Variants in CHCHD10 observed in about 807,000 individuals in gnomAD.
CHCHD10 encodes coiled-coil-helix-coiled-coil-helix domain containing 10.
In CHCHD10, 10 loss-of-function variants were observed where a neutral mutation model predicts 14.8. The ratio of observed to expected loss-of-function variants is 0.67; its 90% confidence interval spans 0.42 to 1.14. The LOEUF (loss-of-function observed/expected upper bound fraction) is 1.14. Among genes scored for constraint, CHCHD10 ranks in the 50% most tolerant of loss-of-function variants. The probability of loss-of-function intolerance (pLI) is 0.00; values close to 1 mark genes in which losing one functional copy is unlikely to be tolerated. For synonymous variants in CHCHD10, 90 were observed against 85.2 expected (o/e 1.06, Z -0.31); for missense variants, 203 against 196.9 (o/e 1.03, Z -0.19).
Position 23,765,999 on chromosome 22 carries a change from C to T in CHCHD10, c.*8G>A, listed in dbSNP as rs372342375. ...GCAGGACTGGCCCCCGAGTCTGCAC[C>T]GACCTCTTCAGGGCAGGGAGCTCAG... On this transcript the variant is annotated 3_prime_UTR_variant, in exon 4 of 4. Transcript: ENST00000484558. The T allele has an allele frequency of 3.4e-4, 542 of 1,613,386 alleles. No homozygotes were observed. Among genetic ancestry groups the T allele is most frequent in the Non-Finnish European group, 4.4e-4 (517 of 1,179,828 alleles).
At position 23,767,406 on chromosome 22, in the gene CHCHD10, T is replaced by TC; in HGVS notation, c.228dup (p.Ser77GlufsTer42). 1.2e-6 allele frequency: 2 copies of TC among 1,607,220 alleles called. No homozygotes were observed. The highest frequency in any genetic ancestry group is 8.5e-7 in the Non-Finnish European group (1 of 1,178,550). On this transcript the variant is annotated frameshift_variant, in exon 2 of 4. Transcript: ENST00000484558. LOFTEE classifies it high-confidence loss of function. ...ACAGCAGGCTGGGAGGGCTCCGAGC[T>TC]CCCCCCGCTGAAGGCTCCGGTCAGG...
At chr22:23,767,763 T>G in intron 1 of CHCHD10, 71 bp downstream of exon 1, 1 of 1,323,098 alleles carries the variant, frequency 7.6e-7, no homozygotes, top group Admixed American at 2.2e-5. Context: ...AAGGTCACTC[T>G]GCGGACGCCC....
Position 23,767,894 on chromosome 22 carries a change from G to A in CHCHD10, c.-20C>T, listed in dbSNP as rs747487467. On this transcript the variant is annotated 5_prime_UTR_variant, in exon 1 of 4. Transcript: ENST00000484558. ...AGGCATGGTGGCGGCGGTGGGACCCGGGCGACCTTAGAGACGGCGGCAGCG... is the reference window on the plus strand; with the variant it reads ...AGGCATGGTGGCGGCGGTGGGACCCAGGCGACCTTAGAGACGGCGGCAGCG... 33 of 1,503,570 alleles carry A rather than the reference G, an allele frequency of 2.2e-5. No homozygotes were observed. In the South Asian group the frequency reaches 3.5e-4, roughly 16 times the overall value. 93.1% of individuals were successfully genotyped at this position (1,503,570 alleles called of 1,614,324 possible).
intron 2 of CHCHD10, among the ~76,000 whole-genome samples, chr22:23,766,744 G>A (rs1383516766): frequency 2.0e-5 from 3 of 152,220 alleles, no homozygotes; most frequent in Admixed American, 6.5e-5. Flanking sequence ...GAGCCACTGC[G>A]CCTGGCCTCT....
At position 23,766,143 on chromosome 22, in the gene CHCHD10, A is replaced by G. The variant is rs773491269; in HGVS notation, c.394T>C (p.Cys132Arg). 1 of 1,613,496 alleles carries G rather than the reference A, an allele frequency of 6.2e-7. No homozygotes were observed. Among genetic ancestry groups the G allele is most frequent in the South Asian group, 1.1e-5 (1 of 91,012 alleles). Residue 132 changes from cysteine to arginine, a missense_variant, in exon 3 of 4, where the codon TGC becomes CGC. Transcript: ENST00000484558. ...ACTCACTCACCATGGTAGTACTTGC[A>G]CTGCTTCAGGGCCTCGCTGAAGCCC... is the stretch of plus-strand genomic sequence containing the variant. ...CEGFSEALKQ[C>R]KYYHGLSSLP
At chr22:23,766,569 T>G (rs131441) in intron 2 of CHCHD10, 3 of 336,386 alleles carry the variant, frequency 8.9e-6, no homozygotes, top group Non-Finnish European at 1.1e-5. Context: ...TGTCCTGCCT[T>G]GGCCTCCCAA....
Position 23,766,180 on chromosome 22 carries a change from C to G in CHCHD10, c.357G>C (p.Leu119=). Residue 119 remains leucine, a synonymous_variant, in exon 3 of 4, where the codon CTG becomes CTC. Transcript: ENST00000484558. Reference sequence around the variant, plus strand: ...CCTCGCTGAAGCCCTCACACAGGGACAGGTCACTCTGAGTGGTGGAACAGT... The same window carrying G: ...CCTCGCTGAAGCCCTCACACAGGGAGAGGTCACTCTGAGTGGTGGAACAGT... ...FLDCSTTQSD[L]SLCEGFSEAL... 2 of 1,612,618 alleles carry G rather than the reference C, an allele frequency of 1.2e-6. No individual in the cohort carries two copies. Among genetic ancestry groups the G allele is most frequent in the Non-Finnish European group, 1.7e-6 (2 of 1,179,524 alleles).
At chr22:23,767,806 C>T in intron 1 of CHCHD10, 28 bp downstream of exon 1, 7 of 1,540,586 alleles carry the variant, frequency 4.5e-6, no homozygotes, top group Non-Finnish European at 6.1e-6. Flanking sequence ...CTAACCCCCT[C>T]CCCACAGGGC....
At position 23,767,862 on chromosome 22, in the gene CHCHD10, T is replaced by C; in HGVS notation, c.13A>G (p.Ser5Gly). The C allele has an allele frequency of 6.6e-7, 1 of 1,516,176 alleles. No homozygotes were observed. The highest frequency in any genetic ancestry group is 2.1e-5 in the Admixed American group (1 of 46,836). 93.9% of individuals were successfully genotyped at this position (1,516,176 alleles called of 1,614,324 possible). The stretch of plus-strand genomic sequence containing the variant: ...GCTGGCCGGGAGGCCGCGCTGCGGC[T>C]TCCCCGAGGCATGGTGGCGGCGGTG... MPRGSRSAASRPASR... is the reference protein window; with the variant it reads MPRGGRSAASRPASR... The change falls in exon 1 of 4, where the codon AGC (serine) becomes GGC (glycine). Residue 5 changes from serine to glycine, a missense_variant. By Grantham distance (56) the Ser-to-Gly change is moderately conservative. Coordinates refer to ENST00000484558, the MANE Select transcript of CHCHD10 (RefSeq NM_213720.3).
intron 2 of CHCHD10, chr22:23,766,493 C>T (rs1926833161): frequency 3.7e-6 from 2 of 538,442 alleles, no homozygotes; most frequent in Non-Finnish European, 6.6e-6. Flanking sequence ...CACTCTGTCA[C>T]CTAGAGTGGA....
At chr22:23,766,461 T>C (rs1926829081) in intron 2 of CHCHD10, 186 bp from the exon 3 acceptor site, 3 of 580,668 alleles carry the variant, frequency 5.2e-6, no homozygotes, top group African/African-American at 3.8e-5. Context: ...CTTTTTTTTT[T>C]TTTTTTTTTG....
chr22:23,767,879 G>T lies in CHCHD10; in HGVS notation c.-5C>A. On this transcript the variant is annotated 5_prime_UTR_variant, in exon 1 of 4. Coordinates refer to ENST00000484558, the MANE Select transcript of CHCHD10 (RefSeq NM_213720.3). The stretch of plus-strand genomic sequence containing the variant: ...GCTGCGGCTTCCCCGAGGCATGGTG[G>T]CGGCGGTGGGACCCGGGCGACCTTA... 3.3e-6 allele frequency: 5 copies of T among 1,510,398 alleles called. No individual in the cohort carries two copies. Among genetic ancestry groups the T allele is most frequent in the Non-Finnish European group, 4.4e-6 (5 of 1,126,938 alleles). 93.6% of individuals were successfully genotyped at this position (1,510,398 alleles called of 1,614,324 possible).
In CHCHD10 at chr22:23,766,328, G is replaced by C. The variant is rs1926817563; in HGVS notation, c.262-53C>G. ...GATCAGCTTGGAGTTGGCACCTGGA[G>C]GTGCGTTTCAAACCTGGGGCCACCT... On this transcript the variant is annotated intron_variant, in intron 2 of 3. Transcript: ENST00000484558. 6 of 1,499,440 alleles carry C rather than the reference G, an allele frequency of 4.0e-6. No homozygotes were observed. The East Asian group carries it at 1.5e-4, about 37-fold the overall frequency. The allele number at this position is 1,499,440 out of a possible 1,614,324, so 92.9% of individuals were successfully genotyped here.
At chr22:23,766,475 CAG>C (rs1926831591) in intron 2 of CHCHD10, 200 bp from the exon 3 acceptor site, 1 of 532,950 alleles carries the variant, frequency 1.9e-6, no homozygotes, top group South Asian at 2.2e-5. Context: ...TTTTTTGAGA[CAG>C]AGTCTCACTC....
chr22:23,766,451 CTTTTTT>C (rs131440), intron 2 of CHCHD10, 176 bp from the exon 3 acceptor site: 276 of 412,754 alleles, frequency 6.7e-4, no homozygotes, highest in Non-Finnish European at 7.8e-4. Context: ...TTTCTGCTGC[CTTTTTT>C]TTTTTTTTTT....
rs1208229948 is a variant in CHCHD10 at position 23,767,925 on chromosome 22, G to C, written c.-51C>G. The C allele has an allele frequency of 7.1e-6, 10 of 1,410,432 alleles. No homozygotes were observed. Among genetic ancestry groups the C allele is most frequent in the Non-Finnish European group, 9.4e-6 (10 of 1,069,224 alleles). 87.4% of individuals were successfully genotyped at this position (1,410,432 alleles called of 1,614,324 possible). A position where few individuals can be genotyped will look rare whatever the true frequency, so the allele number is the denominator to read the frequency against. On this transcript the variant is annotated 5_prime_UTR_variant, in exon 1 of 4. Transcript: ENST00000484558. ...CCTTAGAGACGGCGGCAGCGGTGCT[G>C]TCGCGGGGACAAATGCCGCAGCGCT...
Position 23,767,361 on chromosome 22 carries a change from A to G in CHCHD10, c.261+13T>C, listed in dbSNP as rs747111150. On this transcript the variant is annotated intron_variant, in intron 2 of 3. Coordinates refer to ENST00000484558, the MANE Select transcript of CHCHD10 (RefSeq NM_213720.3). ...ATAATCCTGCCTCAGTTTCTCTTGGACTCGCTGCTCACCTGCTGGACAGCA... is the reference window on the plus strand; with the variant it reads ...ATAATCCTGCCTCAGTTTCTCTTGGGCTCGCTGCTCACCTGCTGGACAGCA... 1.9e-6 allele frequency: 3 copies of G among 1,604,968 alleles called. No individual in the cohort carries two copies. The highest frequency in any genetic ancestry group is 2.6e-6 in the Non-Finnish European group (3 of 1,176,046).
rs1056385225 is a variant in CHCHD10, at chr22:23,765,919, A to G, written c.*88T>C. Reference sequence around the variant, plus strand: ...AACCTCCTCACTTCCAATCCCAGCTATCTGGGTACAATCTGGTGTTGTGGT... The same window carrying G: ...AACCTCCTCACTTCCAATCCCAGCTGTCTGGGTACAATCTGGTGTTGTGGT... On this transcript the variant is annotated 3_prime_UTR_variant, in exon 4 of 4. Transcript: ENST00000484558. The G allele has an allele frequency of 1.9e-5, 30 of 1,599,878 alleles. No individual in the cohort carries two copies. The highest frequency in any genetic ancestry group is 2.6e-5 in the Non-Finnish European group (30 of 1,168,778).
chr22:23,767,314 C>A (rs1006801085), intron 2 of CHCHD10, 60 bp downstream of exon 2: 2 of 1,412,420 alleles, frequency 1.4e-6, no homozygotes, highest in Non-Finnish European at 9.9e-7. Context: ...GACACTTGGG[C>A]AGCTCCCTGT....
Sources: gnomAD v4.1 joint callset for allele counts (sites outside exome capture counted in the v4.1 genomes callset) on GRCh38, gnomAD v4.1.1 for gene constraint, MANE v1.5 for transcripts, NCBI Gene and HGNC (gene_info 2026-07-23, HGNC 2026-07-21) for gene names.